Variants in PLAGL1 observed in about 807,000 individuals in gnomAD.
PLAGL1 encodes the protein zinc finger protein PLAGL1.
PLAGL1 carries 1 observed loss-of-function variant against 4.6 expected under a neutral mutation model. The ratio of observed to expected loss-of-function variants is 0.22; its 90% CI spans 0.08 to 1.03. The LOEUF is 1.03. Ranked by LOEUF, PLAGL1 falls within the 50% of genes least tolerant of loss-of-function variation. The pLI is 0.58. For synonymous variants in PLAGL1, 240 were observed against 237.8 expected, an observed-to-expected ratio of 1.01 and a Z score of -0.08; for missense variants, 464 against 570.4, an observed-to-expected ratio of 0.81 and a Z score of 1.90.
At chr6:143,991,442 C>T (rs1242904676) in intron 1 of PLAGL1, among the ~76,000 whole-genome samples, 1 of 152,178 alleles carries the variant, frequency 6.6e-6, no homozygotes, top group African/African-American at 2.4e-5. Flanking sequence ...AGGGCATCTT[C>T]CCTCCCTAGT....
Position 143,995,130 on chromosome 6 carries a change from A to G in PLAGL1, c.-583-9956T>C, listed in dbSNP as rs921178119. Among the ~76,000 whole-genome samples, 1 of 82,254 alleles carries G rather than the reference A, an allele frequency of 1.2e-5. No individual in the cohort carries two copies. Among genetic ancestry groups the G allele is most frequent in the African/African-American group, 4.2e-5 (1 of 23,572 alleles). The allele number at this position is 82,254 out of a possible 152,430, so 54.0% of individuals were successfully genotyped here. On this transcript the variant is annotated intron_variant, in intron 1 of 7. Coordinates refer to ENST00000674357, the MANE Select transcript of PLAGL1 (RefSeq NM_001317162.2). The surrounding 1 kb of genome is among the most constrained non-coding windows in gnomAD (Gnocchi z 4.4). ...TCTCAGCCAAAATTTTCTTATTTGT[A>G]CAAAGGAGATAAAACTATTCTCAGG...
chr6:143,996,127 G>A (rs1791563013), intron 1 of PLAGL1, among the ~76,000 whole-genome samples: 1 of 152,090 alleles, frequency 6.6e-6, no homozygotes, highest in Non-Finnish European at 1.5e-5. Context: ...TGATCACAAT[G>A]GTGTCACATA....
chr6:144,003,296 G>T (rs1196413919), intron 1 of PLAGL1, among the ~76,000 whole-genome samples: 1 of 152,090 alleles, frequency 6.6e-6, no homozygotes, highest in African/African-American at 2.4e-5. Context: ...AAACTATAAA[G>T]TTTCTGGAGG....
Position 143,953,442 on chromosome 6 carries a change from A to C in PLAGL1, c.-324-4982T>G, listed in dbSNP as rs1175251796. 6.6e-6 allele frequency among the ~76,000 whole-genome samples: 1 copy of C among 152,238 alleles called. No homozygotes were observed. The highest frequency in any genetic ancestry group is 1.5e-5 in the Non-Finnish European group (1 of 68,038). ...GAAAGACAAAGTGAATTATTTCTCT[A>C]ATATTCAGGGAAAAAATTGAGAAAG... On this transcript the variant is annotated intron_variant, in intron 6 of 7. Coordinates refer to ENST00000674357, the MANE Select transcript of PLAGL1 (RefSeq NM_001317162.2). The surrounding 1 kb of genome is among the most constrained non-coding windows in gnomAD (Gnocchi z 5.3).
chr6:143,961,486 G>C lies in PLAGL1; in HGVS notation c.-398-944C>G, dbSNP rs1234615204. On this transcript the variant is annotated intron_variant, in intron 5 of 7. Coordinates refer to ENST00000674357, the MANE Select transcript of PLAGL1 (RefSeq NM_001317162.2). This position sits in a 1 kb window ranked among gnomAD's most constrained non-coding sequence, Gnocchi z 6.5. ...ATTTTGTATGAGAACATCCTTTTAA[G>C]TTAAAAATGGAAAAACCAAGGCCAT... The C allele has an allele frequency of 6.6e-6, 1 of 152,164 alleles. No individual in the cohort carries two copies. Among genetic ancestry groups the C allele is most frequent in the Non-Finnish European group, 1.5e-5 (1 of 68,022 alleles). 9.4% of individuals were successfully genotyped at this position (152,164 alleles called of 1,614,324 possible).
In PLAGL1 at chr6:143,968,101, G is replaced by A. The variant is rs1478124973; in HGVS notation, c.-472+806C>T. On this transcript the variant is annotated intron_variant, in intron 3 of 7. Transcript: ENST00000674357. This position sits in a 1 kb window ranked among gnomAD's most constrained non-coding sequence, Gnocchi z 6.3. ...AGTGAGGGCTGCTTTAGGGTGACAT[G>A]GCCTTGAACCTAGAATTAATGTATG... 6.6e-6 allele frequency: 1 copy of A among 151,432 alleles called. No individual in the cohort carries two copies. Among genetic ancestry groups the A allele is most frequent in the Non-Finnish European group, 1.5e-5 (1 of 67,970 alleles). 9.4% of individuals were successfully genotyped at this position (151,432 alleles called of 1,614,324 possible).
At chr6:144,049,441 T>G (rs989252581) in intron 1 of PLAGL1, among the ~76,000 whole-genome samples, 1 of 152,220 alleles carries the variant, frequency 6.6e-6, no homozygotes, top group Admixed American at 6.5e-5. Flanking sequence ...ATGGGTAATT[T>G]ATAAAGGAAA....
At chr6:144,049,490 G>A (rs947653676) in intron 1 of PLAGL1, among the ~76,000 whole-genome samples, 2 of 152,240 alleles carry the variant, frequency 1.3e-5, no homozygotes, top group Non-Finnish European at 2.9e-5. Flanking sequence ...GGCTAGGGAG[G>A]CATCAGGAAA....
rs1783694803 is a variant in PLAGL1, at chr6:143,963,068, C to T, written c.-399+1719G>A. Among the ~76,000 whole-genome samples the T allele has an allele frequency of 6.6e-6, 1 of 152,116 alleles. No homozygotes were observed. Among genetic ancestry groups the T allele is most frequent in the Non-Finnish European group, 1.5e-5 (1 of 68,024 alleles). On this transcript the variant is annotated intron_variant, in intron 5 of 7. Coordinates refer to ENST00000674357, the MANE Select transcript of PLAGL1 (RefSeq NM_001317162.2). The surrounding 1 kb of genome is among the most constrained non-coding windows in gnomAD (Gnocchi z 6.1). ...GCCTGAGTGGGATATTCAGATTCAC[C>T]TCCAGGCAATGATGTCATTTTAAAG...
intron 1 of PLAGL1, among the ~76,000 whole-genome samples, chr6:144,035,304 C>A (rs1797138777): frequency 6.6e-6 from 1 of 152,174 alleles, no homozygotes; most frequent in Non-Finnish European, 1.5e-5. Context: ...CACAGTGCAG[C>A]CTTCAGTCTA....
Position 143,964,097 on chromosome 6 carries a change from C to T in PLAGL1, c.-399+690G>A, listed in dbSNP as rs1783936288. On this transcript the variant is annotated intron_variant, in intron 5 of 7. Transcript: ENST00000674357. This position sits in a 1 kb window ranked among gnomAD's most constrained non-coding sequence, Gnocchi z 4.3. Reference sequence around the variant, plus strand: ...TCCCCCCATGGCCAACCCCCCATCCCAGGGCCTGATAAGGAGGTATGTCAG... The same window carrying T: ...TCCCCCCATGGCCAACCCCCCATCCTAGGGCCTGATAAGGAGGTATGTCAG... Among the ~76,000 whole-genome samples the T allele has an allele frequency of 6.6e-6, 1 of 152,048 alleles. No individual in the cohort carries two copies. The highest frequency in any genetic ancestry group is 1.9e-4 in the East Asian group (1 of 5,192).
At position 143,958,362 on chromosome 6, in the gene PLAGL1, A is replaced by G. The variant is rs1782618691; in HGVS notation, c.-325+2107T>C. Among the ~76,000 whole-genome samples, 1 of 152,194 alleles carries G rather than the reference A, an allele frequency of 6.6e-6. No homozygotes were observed. The highest frequency in any genetic ancestry group is 1.5e-5 in the Non-Finnish European group (1 of 68,034). On this transcript the variant is annotated intron_variant, in intron 6 of 7. Coordinates refer to ENST00000674357, the MANE Select transcript of PLAGL1 (RefSeq NM_001317162.2). The surrounding 1 kb of genome is among the most constrained non-coding windows in gnomAD (Gnocchi z 5.1). ...ACCAAATCGGATTACCCTAGACACA[A>G]ATTTGATGGGCAGTTTTAAAGTAAC...
rs537609205 is a variant in PLAGL1 at position 143,989,446 on chromosome 6, G to A, written c.-583-4272C>T. Among the ~76,000 whole-genome samples the A allele has an allele frequency of 1.7e-4, 26 of 152,252 alleles. 1 individual carries two copies. In the South Asian group the frequency reaches 3.3e-3, roughly 19 times the overall value. The stretch of plus-strand genomic sequence containing the variant: ...GCATCATCCAATCCACTGAGGGCCC[G>A]AATAGAACAAAAAGGTGGAAGGAGG... On this transcript the variant is annotated intron_variant, in intron 1 of 7. Transcript: ENST00000674357. This position sits in a 1 kb window ranked among gnomAD's most constrained non-coding sequence, Gnocchi z 4.8.
At chr6:144,043,256 A>G (rs947405260) in intron 1 of PLAGL1, among the ~76,000 whole-genome samples, 11 of 152,196 alleles carry the variant, frequency 7.2e-5, no homozygotes. Context: ...TTGTGCCAGT[A>G]TTCAAAGGGA....
At chr6:143,996,613 C>CT (rs113499225) in intron 1 of PLAGL1, among the ~76,000 whole-genome samples, 8,937 of 133,572 alleles carry the variant, frequency 0.067, 739 homozygotes, top group African/African-American at 0.19. Context: ...TATTTATTCC[C>CT]TTTTTTTTTT....
chr6:144,063,383 CG>C lies in PLAGL1; in HGVS notation c.-151+1084del, dbSNP rs1799582317. 6.6e-6 allele frequency among the ~76,000 whole-genome samples: 1 copy of C among 152,142 alleles called. No individual in the cohort carries two copies. Among genetic ancestry groups the C allele is most frequent in the African/African-American group, 2.4e-5 (1 of 41,424 alleles). On this transcript the variant is annotated intron_variant, in intron 1 of 3. Transcript: ENST00000437412. The surrounding 1 kb of genome is among the most constrained non-coding windows in gnomAD (Gnocchi z 5.7). ...AACTAGGCGTCCCCAGCCATATCCC[CG>C]GGGCAGCTTTTACAAAAAGTCTCAC...
rs956101015 is a variant in PLAGL1 at position 143,960,236 on chromosome 6, G to C, written c.-325+233C>G. Among the ~76,000 whole-genome samples, 1 of 152,168 alleles carries C rather than the reference G, an allele frequency of 6.6e-6. No homozygotes were observed. Among genetic ancestry groups the C allele is most frequent in the African/African-American group, 2.4e-5 (1 of 41,410 alleles). On this transcript the variant is annotated intron_variant, in intron 6 of 7. Transcript: ENST00000674357. This position sits in a 1 kb window ranked among gnomAD's most constrained non-coding sequence, Gnocchi z 5.7. ...GGGACAGCAGAGGTCATGAAAAGTT[G>C]CTAACTGCATCATCCAATTCCCTGA...
chr6:143,940,892 T>TATG lies in PLAGL1; in HGVS notation c.*529_*531dup, dbSNP rs1218300466. On this transcript the variant is annotated 3_prime_UTR_variant, in exon 8 of 8. Coordinates refer to ENST00000674357, the MANE Select transcript of PLAGL1 (RefSeq NM_001317162.2). ...CTCTATTGCTCCACAAGAAAATGTATATGTAAAACTACAGGTTGGCTATGG... is the reference window on the plus strand; with the variant it reads ...CTCTATTGCTCCACAAGAAAATGTATATGATGTAAAACTACAGGTTGGCTATGG... 2.0e-5 allele frequency: 3 copies of TATG among 152,782 alleles called. No homozygotes were observed. Among genetic ancestry groups the TATG allele is most frequent in the African/African-American group, 7.2e-5 (3 of 41,576 alleles). The allele number at this position is 152,782 out of a possible 1,614,324, so 9.5% of individuals were successfully genotyped here.
chr6:143,943,730 T>A (rs2128507739), intron 7 of PLAGL1, among the ~76,000 whole-genome samples: 1 of 152,242 alleles, frequency 6.6e-6, no homozygotes, highest in East Asian at 1.9e-4. Context: ...ATAAGAGTTG[T>A]AAGTTTGTCT....
Sources: allele counts gnomAD v4.1 joint callset (sites outside exome capture counted in the v4.1 genomes callset), GRCh38; gene constraint gnomAD v4.1.1; non-coding constraint Gnocchi (gnomAD v3.1); transcripts MANE v1.5; gene names NCBI Gene and HGNC (gene_info 2026-07-23, HGNC 2026-07-21).